Variants in NT5DC3 observed in about 807,000 individuals in gnomAD.
The protein encoded by NT5DC3 is 5'-nucleotidase domain containing 3, also known as 5'-nucleotidase domain-containing protein 3.
NT5DC3 carries 42 observed loss-of-function variants against 67.8 expected under a neutral mutation model. That is an observed-to-expected ratio of 0.62 (90% confidence interval 0.48 to 0.80). The LOEUF (loss-of-function observed/expected upper bound fraction) is 0.80, where lower values mean the gene tolerates loss of function less well. NT5DC3 is among the 30% of genes least tolerant of loss of function. The probability of loss-of-function intolerance (pLI) is 0.00; values close to 1 mark genes in which losing one functional copy is unlikely to be tolerated. For synonymous variants in NT5DC3, 237 were observed against 255.6 expected, an observed-to-expected ratio of 0.93 and a Z score of 0.69; for missense variants, 570 against 696.4, an observed-to-expected ratio of 0.82 and a Z score of 2.04.
intron 2 of NT5DC3, among the ~76,000 whole-genome samples, 163 bp from the exon 3 acceptor site, chr12:103,807,092 G>A (rs1050700770): frequency 4.6e-5 from 7 of 152,100 alleles, no homozygotes; most frequent in Non-Finnish European, 8.8e-5. Context: ...CAATCCAAGC[G>A]CCTCCTAGCA....
At chr12:103,794,234 C>A (rs1593397500) in intron 6 of NT5DC3, among the ~76,000 whole-genome samples, 1 of 151,814 alleles carries the variant, frequency 6.6e-6, no homozygotes, top group African/African-American at 2.4e-5. Flanking sequence ...AATGCAGCCT[C>A]TGCCTCCTGG....
the NT5DC3 span, among the ~76,000 whole-genome samples, chr12:103,759,633 A>C: frequency 6.6e-6 from 1 of 152,050 alleles, no homozygotes; most frequent in African/African-American, 2.4e-5. Flanking sequence ...AACTGTAAGG[A>C]CTTAAACAAG....
intron 10 of NT5DC3, among the ~76,000 whole-genome samples, chr12:103,788,460 T>A (rs1885891923): frequency 6.6e-6 from 1 of 152,174 alleles, no homozygotes; most frequent in Non-Finnish European, 1.5e-5. Context: ...AATTTTTTTT[T>A]AAACTCACAA....
chr12:103,814,030 T>A (rs1887143659), intron 2 of NT5DC3, among the ~76,000 whole-genome samples: 2 of 152,168 alleles, frequency 1.3e-5, no homozygotes, highest in Admixed American at 1.3e-4. Context: ...ACCATCACAG[T>A]CAGACACACT....
At chr12:103,820,672 T>C (rs891492679) in intron 1 of NT5DC3, 12 of 152,196 alleles carry the variant, frequency 7.9e-5, no homozygotes, top group Admixed American at 3.3e-4. Flanking sequence ...CTGATTGATG[T>C]CAATGAATAT....
At chr12:103,806,279 T>C in intron 4 of NT5DC3, 43 bp downstream of exon 4, 1 of 1,299,274 alleles carries the variant, frequency 7.7e-7, no homozygotes, top group African/African-American at 1.5e-5. Context: ...CCAAAGCACC[T>C]GGTTACTTCA....
intron 4 of NT5DC3, 58 bp from the exon 5 acceptor site, chr12:103,798,735 C>T (rs924221017): frequency 2.8e-5 from 34 of 1,235,330 alleles, no homozygotes; most frequent in Non-Finnish European, 3.7e-5. Flanking sequence ...ATGATTTTCA[C>T]ACCCCTGTGC....
At chr12:103,763,518 T>A in the NT5DC3 span, 1 of 1,614,104 alleles carries the variant, frequency 6.2e-7, no homozygotes, top group Non-Finnish European at 8.5e-7. Context: ...ATGTTGCAGC[T>A]CTTGGCAAGC....
chr12:103,819,328 C>T (rs923361470), intron 1 of NT5DC3, among the ~76,000 whole-genome samples: 3 of 152,218 alleles, frequency 2.0e-5, no homozygotes, highest in African/African-American at 4.8e-5. Flanking sequence ...AGAAAAAGAA[C>T]GCCAACCACT....
intron 1 of NT5DC3, among the ~76,000 whole-genome samples, chr12:103,829,835 G>C (rs1260712951): frequency 2.0e-5 from 3 of 149,082 alleles, no homozygotes; most frequent in Admixed American, 6.7e-5. Context: ...TCCTTTAAAA[G>C]TTCCTCCTTT....
intron 1 of NT5DC3, 25 bp downstream of exon 1, chr12:103,840,924 G>C (rs1175041950): frequency 7.6e-7 from 1 of 1,322,374 alleles, no homozygotes; most frequent in East Asian, 3.1e-5. Context: ...CCCAGGCGCC[G>C]GGGCGGGGTC....
intron 1 of NT5DC3, among the ~76,000 whole-genome samples, chr12:103,829,693 C>G (rs1266311157): frequency 1.3e-5 from 2 of 152,136 alleles, no homozygotes; most frequent in Non-Finnish European, 2.9e-5. Context: ...ACCTTTTCTC[C>G]TACCCACTTT....
chr12:103,768,537 G>C (rs1269582846), downstream of NT5DC3, among the ~76,000 whole-genome samples: 2 of 25,910 alleles, frequency 7.7e-5, no homozygotes, highest in African/African-American at 1.7e-4. Context: ...GAGAGAGGGA[G>C]AGGGGGAGAG....
downstream of NT5DC3, chr12:103,766,309 G>T (rs1343021402): frequency 6.2e-7 from 1 of 1,613,920 alleles, no homozygotes; most frequent in Non-Finnish European, 8.5e-7. Context: ...GGCAGCTTGA[G>T]GGCAATGACC....
chr12:103,800,543 C>T (rs977870551), intron 4 of NT5DC3, among the ~76,000 whole-genome samples: 1 of 152,260 alleles, frequency 6.6e-6, no homozygotes, highest in Non-Finnish European at 1.5e-5. Context: ...GGCACAGCCA[C>T]CCAGGCTGCA....
rs201967586 is a variant in NT5DC3 at position 103,777,820 on chromosome 12, T to C, written c.*9A>G. On this transcript the variant is annotated 3_prime_UTR_variant, in exon 14 of 14. Transcript: ENST00000392876. ...AGGGGCAGTTACAGTTTCTAGTTTT[T>C]GCCCTTGGCTACTTGGCCTGGGCCT... 212 of 1,604,650 alleles carry C rather than the reference T, an allele frequency of 1.3e-4. No homozygotes were observed. The highest frequency in any genetic ancestry group is 1.7e-4 in the Non-Finnish European group (196 of 1,175,896).
rs117077223 is a variant in NT5DC3 at position 103,796,679 on chromosome 12, C to T, written c.753+215G>A. The stretch of plus-strand genomic sequence containing the variant: ...TCAAAAATTGAGATAACAGTGTCAG[C>T]ACCATCTCGTTTTAACAAAACTTTT... On this transcript the variant is annotated intron_variant, in intron 6 of 13. Transcript: ENST00000392876. Among the ~76,000 whole-genome samples the T allele has an allele frequency of 5.0e-4, 76 of 152,378 alleles. 1 individual carries two copies. The East Asian group carries it at 0.014, about 29-fold the overall frequency.
At chr12:103,785,888 G>A (rs1268918015) in intron 11 of NT5DC3, 2 of 373,710 alleles carry the variant, frequency 5.4e-6, no homozygotes, top group Non-Finnish European at 1.0e-5. Flanking sequence ...GAGAACCATG[G>A]AATCTCAGAT....
In NT5DC3 at chr12:103,777,808, G is replaced by C. The variant is rs1362697905; in HGVS notation, c.*21C>G. The C allele has an allele frequency of 1.9e-6, 3 of 1,598,930 alleles. No individual in the cohort carries two copies. The highest frequency in any genetic ancestry group is 2.7e-5 in the African/African-American group (2 of 74,232). ...GCCTGCCCAATCAGGGGCAGTTACA[G>C]TTTCTAGTTTTTGCCCTTGGCTACT... is the stretch of plus-strand genomic sequence containing the variant. On this transcript the variant is annotated 3_prime_UTR_variant, in exon 14 of 14. Transcript: ENST00000392876.
Sources: gnomAD v4.1 joint callset for allele counts (sites outside exome capture counted in the v4.1 genomes callset) on GRCh38, gnomAD v4.1.1 for gene constraint, MANE v1.5 for transcripts, NCBI Gene and HGNC (gene_info 2026-07-23, HGNC 2026-07-21) for gene names.